Variants in TLL2 observed in about 807,000 individuals in gnomAD.
The protein encoded by TLL2 is tolloid like 2.
TLL2 carries 106 observed loss-of-function variants against 123.0 expected under a neutral mutation model. The ratio of observed to expected loss-of-function variants is 0.86; its 90% CI spans 0.74 to 1.01. The LOEUF is 1.01. Ranked by LOEUF, TLL2 falls within the 50% of genes least tolerant of loss-of-function variation. The probability of loss-of-function intolerance (pLI) is 0.00; values close to 1 mark genes in which losing one functional copy is unlikely to be tolerated. For missense variants in TLL2, 1,332 were observed against 1,336.7 expected, an observed-to-expected ratio of 1.00 and a Z score of 0.06; for synonymous variants, 494 against 516.8, an observed-to-expected ratio of 0.96 and a Z score of 0.60.
intron 1 of TLL2, among the ~76,000 whole-genome samples, chr10:96,488,051 T>A (rs1009218384): frequency 6.6e-6 from 1 of 152,220 alleles, no homozygotes; most frequent in Admixed American, 6.5e-5. Context: ...AGTTTCTTCA[T>A]CTTCCAAGTG....
intron 2 of TLL2, among the ~76,000 whole-genome samples, chr10:96,472,943 A>G (rs990417640): frequency 1.3e-5 from 2 of 152,070 alleles, no homozygotes; most frequent in Non-Finnish European, 2.9e-5. Flanking sequence ...TTAGCCCTGT[A>G]ATGCCTGATA....
intron 2 of TLL2, among the ~76,000 whole-genome samples, chr10:96,463,702 C>A (rs1847102911): frequency 6.6e-6 from 1 of 152,204 alleles, no homozygotes; most frequent in Non-Finnish European, 1.5e-5. Flanking sequence ...AGCTCCAGCT[C>A]CCTTGGGACC....
intron 2 of TLL2, among the ~76,000 whole-genome samples, chr10:96,447,629 T>C (rs1452349606): frequency 6.6e-6 from 1 of 152,120 alleles, no homozygotes; most frequent in Non-Finnish European, 1.5e-5. Context: ...GGGAGCAGAT[T>C]TGAGGACAAA....
chr10:96,456,805 C>T (rs1461235468), intron 2 of TLL2, among the ~76,000 whole-genome samples: 5 of 152,186 alleles, frequency 3.3e-5, no homozygotes, highest in African/African-American at 9.7e-5. Context: ...GCACTGCCCA[C>T]CTGCAGGAGA....
At chr10:96,407,177 T>C (rs1475867980) in intron 9 of TLL2, among the ~76,000 whole-genome samples, 5 of 152,070 alleles carry the variant, frequency 3.3e-5, no homozygotes, top group Non-Finnish European at 7.4e-5. Flanking sequence ...CTGCTTACTT[T>C]CCACACCCCC....
Position 96,365,823 on chromosome 10 carries a change from T to TA in TLL2, c.*2264dup, listed in dbSNP as rs1846019919. 6.6e-6 allele frequency: 1 copy of TA among 152,252 alleles called. No individual in the cohort carries two copies. Among genetic ancestry groups the TA allele is most frequent in the South Asian group, 2.1e-4 (1 of 4,836 alleles). 9.4% of individuals were successfully genotyped at this position (152,252 alleles called of 1,614,324 possible). A position where few individuals can be genotyped will look rare whatever the true frequency, so the allele number is the denominator to read the frequency against. On this transcript the variant is annotated 3_prime_UTR_variant, in exon 21 of 21. Coordinates refer to ENST00000357947, the MANE Select transcript of TLL2 (RefSeq NM_012465.4). ...CTGTGGATACGTCACACAGAAGGCC[T>TA]AAATAAAGGTTTTTCATAAGAGTCC...
intron 19 of TLL2, among the ~76,000 whole-genome samples, chr10:96,370,620 T>A (rs915480462): frequency 6.6e-6 from 1 of 152,230 alleles, no homozygotes; most frequent in African/African-American, 2.4e-5. Flanking sequence ...ATGGAGCCAA[T>A]GGACGGTTCG....
chr10:96,420,361 C>A (rs1467588326), intron 7 of TLL2, among the ~76,000 whole-genome samples: 1 of 152,218 alleles, frequency 6.6e-6, no homozygotes, highest in Non-Finnish European at 1.5e-5. Context: ...TCAGAACAGA[C>A]CCTGCCCATG....
intron 6 of TLL2, among the ~76,000 whole-genome samples, chr10:96,421,356 A>C (rs1372343736): frequency 1.3e-4 from 20 of 152,194 alleles, no homozygotes; most frequent in Admixed American, 1.3e-3. Flanking sequence ...CCCGCAAAAA[A>C]TAAAAAATAA....
intron 10 of TLL2, among the ~76,000 whole-genome samples, chr10:96,403,939 C>T (rs111529677): frequency 0.043 from 6,537 of 151,072 alleles, 196 homozygotes; most frequent in East Asian, 0.11. Flanking sequence ...TAAATCTGGC[C>T]TACGTGCACA....
chr10:96,495,557 T>C (rs734566), intron 1 of TLL2, among the ~76,000 whole-genome samples: 132,017 of 152,102 alleles, frequency 0.87, 57,334 homozygotes, highest in Middle Eastern at 0.96. Flanking sequence ...ATTCATGGGA[T>C]GGTGTTAATG....
intron 2 of TLL2, among the ~76,000 whole-genome samples, chr10:96,469,537 C>T (rs1349482092): frequency 6.6e-6 from 1 of 152,200 alleles, no homozygotes; most frequent in Non-Finnish European, 1.5e-5. Flanking sequence ...ACCCCCACCA[C>T]CAGCCTCCCG....
intron 1 of TLL2, among the ~76,000 whole-genome samples, chr10:96,504,367 T>C (rs1847559759): frequency 6.6e-6 from 1 of 152,144 alleles, no homozygotes; most frequent in South Asian, 2.1e-4. Flanking sequence ...CACAGCACTT[T>C]GGGTGGCTGA....
rs753384925 is a variant in TLL2, at chr10:96,413,179, G to A, written c.1048+13C>T. 9 of 1,613,610 alleles carry A rather than the reference G, an allele frequency of 5.6e-6. No individual in the cohort carries two copies. The highest frequency in any genetic ancestry group is 3.3e-5 in the South Asian group (3 of 91,040). ...CTAGGGAGGTGCTGGCAGTCCCCAC[G>A]GCTCATAGTTACCTGGGCATTTGTA... On this transcript the variant is annotated intron_variant, in intron 8 of 20. Coordinates refer to ENST00000357947, the MANE Select transcript of TLL2 (RefSeq NM_012465.4).
At chr10:96,458,523 G>A (rs911332043) in intron 2 of TLL2, among the ~76,000 whole-genome samples, 5 of 149,590 alleles carry the variant, frequency 3.3e-5, no homozygotes, top group Admixed American at 6.7e-5. Flanking sequence ...GGAGGAGGAG[G>A]TTGCAGTGAG....
At chr10:96,505,739 C>A (rs1479159323) in intron 1 of TLL2, among the ~76,000 whole-genome samples, 2 of 152,190 alleles carry the variant, frequency 1.3e-5, no homozygotes, top group Non-Finnish European at 2.9e-5. Flanking sequence ...CAATTCAGTT[C>A]ACTCCACACA....
intron 3 of TLL2, among the ~76,000 whole-genome samples, chr10:96,441,825 C>A (rs977059898): frequency 6.6e-6 from 1 of 152,114 alleles, no homozygotes; most frequent in Non-Finnish European, 1.5e-5. Context: ...GTTGTTACAC[C>A]CAAGTAAACT....
intron 2 of TLL2, among the ~76,000 whole-genome samples, chr10:96,471,721 T>G (rs758689404): frequency 2.8e-4 from 42 of 151,958 alleles, no homozygotes; most frequent in Non-Finnish European, 5.1e-4. Context: ...AGACGCAAAC[T>G]CAGGCCTGCT....
intron 7 of TLL2, among the ~76,000 whole-genome samples, chr10:96,418,172 C>T (rs1380960743): frequency 6.6e-6 from 1 of 152,014 alleles, no homozygotes; most frequent in Non-Finnish European, 1.5e-5. Flanking sequence ...ATGGTTATCC[C>T]CTGAGGGACA....
Sources: allele counts gnomAD v4.1 joint callset (sites outside exome capture counted in the v4.1 genomes callset), GRCh38; gene constraint gnomAD v4.1.1; transcripts MANE v1.5; gene names NCBI Gene and HGNC (gene_info 2026-07-23, HGNC 2026-07-21).